The following LRRC4C variants were observed in gnomAD, a reference collection of about 807,000 sequenced individuals.
The protein encoded by LRRC4C is leucine rich repeat containing 4C.
In LRRC4C, 5 loss-of-function variants were observed where a neutral mutation model predicts 33.6. That is an observed-to-expected ratio of 0.15 (90% confidence interval 0.08 to 0.31). The LOEUF (loss-of-function observed/expected upper bound fraction) is 0.31, where lower values mean the gene tolerates loss of function less well. LRRC4C is among the 10% of genes least tolerant of loss of function. The probability of loss-of-function intolerance (pLI) is 1.00; values close to 1 mark genes in which losing one functional copy is unlikely to be tolerated. For missense variants in LRRC4C, 560 were observed against 796.7 expected (o/e 0.70, Z 3.58); for synonymous variants, 329 against 302.0 (o/e 1.09, Z -0.93).
chr11:41,439,032 A>C (rs1423055801), intron 1 of LRRC4C, among the ~76,000 whole-genome samples: 4 of 151,990 alleles, frequency 2.6e-5, no homozygotes, highest in Non-Finnish European at 4.4e-5. Flanking sequence ...CCAACAGATA[A>C]TTTTTCATCC....
intron 2 of LRRC4C, among the ~76,000 whole-genome samples, chr11:40,919,119 C>A (rs1415229697): frequency 6.6e-6 from 1 of 152,006 alleles, no homozygotes; most frequent in African/African-American, 2.4e-5. Flanking sequence ...ATTCACTAGC[C>A]CACACACATG....
At chr11:40,626,860 C>T (rs2135986335) in intron 3 of LRRC4C, among the ~76,000 whole-genome samples, 1 of 152,296 alleles carries the variant, frequency 6.6e-6, no homozygotes, top group African/African-American at 2.4e-5. Context: ...GGCTCTCTAT[C>T]TCAGTGCCAC....
chr11:41,404,457 A>G (rs1212142265), intron 1 of LRRC4C, among the ~76,000 whole-genome samples: 1 of 149,650 alleles, frequency 6.7e-6, no homozygotes, highest in Non-Finnish European at 1.5e-5. Flanking sequence ...ATCTCCGACA[A>G]CCCCAGGGCT....
intron 1 of LRRC4C, among the ~76,000 whole-genome samples, chr11:41,339,886 C>A (rs1198555754): frequency 3.3e-5 from 5 of 152,068 alleles, no homozygotes; most frequent in African/African-American, 1.2e-4. Flanking sequence ...CATATTTCAA[C>A]AAAGTTACCT....
chr11:40,549,605 A>G (rs1216219954), intron 3 of LRRC4C, among the ~76,000 whole-genome samples: 1 of 152,184 alleles, frequency 6.6e-6, no homozygotes, highest in African/African-American at 2.4e-5. Flanking sequence ...CTAAGAAATA[A>G]GAAAGCTGTA....
intron 2 of LRRC4C, among the ~76,000 whole-genome samples, chr11:40,790,202 C>T (rs573527992): frequency 8.1e-4 from 124 of 152,246 alleles, no homozygotes; most frequent in African/African-American, 2.9e-3. Flanking sequence ...GTGAATGTAT[C>T]GCATTGACAG....
At chr11:40,802,697 G>GA (rs995159654) in intron 2 of LRRC4C, among the ~76,000 whole-genome samples, 29 of 152,180 alleles carry the variant, frequency 1.9e-4, no homozygotes, top group Non-Finnish European at 3.5e-4. Context: ...GAAAATGTGA[G>GA]AAAAAACAGA....
chr11:41,228,577 T>C (rs76363045), intron 1 of LRRC4C, among the ~76,000 whole-genome samples: 2,341 of 152,256 alleles, frequency 0.015, 61 homozygotes, highest in African/African-American at 0.053. Context: ...TTCACTGCAA[T>C]AGAACTAGGT....
At chr11:40,272,344 G>A (rs1230409484) in intron 4 of LRRC4C, among the ~76,000 whole-genome samples, 1 of 151,944 alleles carries the variant, frequency 6.6e-6, no homozygotes, top group Non-Finnish European at 1.5e-5. Flanking sequence ...AAACATAATG[G>A]GCCCAAACCT....
intron 3 of LRRC4C, among the ~76,000 whole-genome samples, chr11:40,619,995 A>G (rs1962288189): frequency 6.6e-6 from 1 of 150,432 alleles, no homozygotes; most frequent in East Asian, 2.0e-4. Context: ...CAAATGCAAA[A>G]GTTCATTACA....
intron 3 of LRRC4C, among the ~76,000 whole-genome samples, chr11:40,628,762 C>T (rs1963201881): frequency 6.6e-6 from 1 of 152,116 alleles, no homozygotes; most frequent in South Asian, 2.1e-4. Context: ...TGCCACTTTC[C>T]AGATTTTTAA....
At chr11:41,169,632 C>A (rs745644989) in intron 1 of LRRC4C, among the ~76,000 whole-genome samples, 2 of 152,122 alleles carry the variant, frequency 1.3e-5, no homozygotes, top group Non-Finnish European at 2.9e-5. Flanking sequence ...CTGAAAAAAT[C>A]TTTTGGCATG....
chr11:40,820,774 T>C (rs539405872), intron 2 of LRRC4C, among the ~76,000 whole-genome samples: 68 of 151,818 alleles, frequency 4.5e-4, no homozygotes, highest in Non-Finnish European at 8.8e-4. Flanking sequence ...AAATATGCTC[T>C]TGTCCTTTCT....
intron 2 of LRRC4C, among the ~76,000 whole-genome samples, chr11:40,726,733 C>T (rs996394129): frequency 9.9e-5 from 15 of 151,836 alleles, no homozygotes; most frequent in Admixed American, 9.8e-4. Context: ...TCATAGTCAA[C>T]ATAGTATTGG....
At chr11:40,652,775 T>G (rs1942883536) in intron 2 of LRRC4C, among the ~76,000 whole-genome samples, 1 of 152,202 alleles carries the variant, frequency 6.6e-6, no homozygotes, top group African/African-American at 2.4e-5. Context: ...AAAAAAATTC[T>G]TAAACTTCTT....
intron 1 of LRRC4C, among the ~76,000 whole-genome samples, chr11:41,083,149 C>A (rs1338566731): frequency 6.6e-6 from 1 of 151,938 alleles, no homozygotes; most frequent in Non-Finnish European, 1.5e-5. Context: ...TATTTAGCAA[C>A]TTGTGAAAAT....
intron 3 of LRRC4C, among the ~76,000 whole-genome samples, chr11:40,594,326 A>T (rs1047198238): frequency 6.6e-6 from 1 of 152,232 alleles, no homozygotes; most frequent in Non-Finnish European, 1.5e-5. Flanking sequence ...TGAGGGAGGT[A>T]GAACAATTAT....
intron 2 of LRRC4C, among the ~76,000 whole-genome samples, chr11:40,706,841 G>C (rs945912011): frequency 6.6e-6 from 1 of 152,172 alleles, no homozygotes; most frequent in Non-Finnish European, 1.5e-5. Flanking sequence ...CTATCCACGA[G>C]CATGGAATGT....
chr11:40,127,752 C>T (rs1856361061), intron 6 of LRRC4C, among the ~76,000 whole-genome samples: 1 of 152,040 alleles, frequency 6.6e-6, no homozygotes, highest in African/African-American at 2.4e-5. Flanking sequence ...ATTAATACGC[C>T]CCAGTTAAAA....
Sources: gnomAD v4.1 joint callset for allele counts (sites outside exome capture counted in the v4.1 genomes callset) on GRCh38, gnomAD v4.1.1 for gene constraint, MANE v1.5 for transcripts, NCBI Gene and HGNC (gene_info 2026-07-23, HGNC 2026-07-21) for gene names.